ENPP3: variants seen among roughly 807,000 people sequenced by gnomAD.
The protein encoded by ENPP3 is ectonucleotide pyrophosphatase/phosphodiesterase 3, also known as ectonucleotide pyrophosphatase/phosphodiesterase family member 3.
A neutral mutation model predicts 117.8 loss-of-function variants in ENPP3; 104 were observed. The observed-to-expected ratio is 0.88, with a 90% CI of 0.75 to 1.04. The LOEUF is 1.04. ENPP3 is among the 50% of genes least tolerant of loss of function. The pLI, the probability that ENPP3 is intolerant of heterozygous loss-of-function variation, is 0.00. For synonymous variants in ENPP3, 380 were observed against 349.9 expected (o/e 1.09, Z -0.96); for missense variants, 1,026 against 1,051.9 (o/e 0.98, Z 0.34).
rs555826124 is a variant in ENPP3, at chr6:131,678,942, T to C, written c.1011+1002T>C. 4.3e-3 allele frequency among the ~76,000 whole-genome samples: 410 copies of C among 94,348 alleles called. 13 individuals are homozygous for C. Among genetic ancestry groups the C allele is most frequent in the African/African-American group, 0.025 (338 of 13,460 alleles). 61.9% of individuals were successfully genotyped at this position (94,348 alleles called of 152,430 possible). On this transcript the variant is annotated intron_variant, in intron 11 of 24. Transcript: ENST00000357639. ...CTTTCTTTCTTTCTTTCTTTCTTTC[T>C]TTCTTTCTTTCTTTCTTTCCTTCCT...
chr6:131,702,963 ATGT>A (rs1474634292), intron 15 of ENPP3, among the ~76,000 whole-genome samples: 3 of 150,998 alleles, frequency 2.0e-5, no homozygotes, highest in Non-Finnish European at 4.4e-5. Context: ...CATTTATTTC[ATGT>A]TGTCCTGAGA....
intron 20 of ENPP3, among the ~76,000 whole-genome samples, chr6:131,731,245 G>T (rs1042860948): frequency 6.6e-6 from 1 of 152,060 alleles, no homozygotes; most frequent in African/African-American, 2.4e-5. Context: ...GTGGTCCTTG[G>T]CTGTCAGCTT....
chr6:131,697,589 T>C (rs1216926011), intron 15 of ENPP3, among the ~76,000 whole-genome samples: 3 of 151,616 alleles, frequency 2.0e-5, no homozygotes, highest in Non-Finnish European at 2.9e-5. Context: ...TGCAACTAGA[T>C]GGTCCTATCT....
intron 24 of ENPP3, among the ~76,000 whole-genome samples, chr6:131,746,416 T>C (rs1351916431): frequency 1.3e-5 from 2 of 152,258 alleles, no homozygotes; most frequent in East Asian, 3.9e-4. Context: ...GTACTACATA[T>C]TGTATAGTGA....
In ENPP3 at chr6:131,637,463, G is replaced by GT. The variant is rs745932827; in HGVS notation, c.78+2dup. On this transcript the variant is annotated splice_donor_variant, in intron 1 of 24. Transcript: ENST00000357639. LOFTEE classifies it high-confidence loss of function. Reference sequence around the variant, plus strand: ...TAAGAAATATAAAATAGCTTGCATTGTAAGTACAATTCTTATTTTTAGTCT... The same window carrying GT: ...TAAGAAATATAAAATAGCTTGCATTGTTAAGTACAATTCTTATTTTTAGTCT... The GT allele has an allele frequency of 5.3e-6, 8 of 1,506,968 alleles. No homozygotes were observed. In the South Asian group the frequency reaches 8.4e-5, roughly 16 times the overall value. The allele number at this position is 1,506,968 out of a possible 1,614,324, so 93.3% of individuals were successfully genotyped here. A position where few individuals can be genotyped will look rare whatever the true frequency, so the allele number is the denominator to read the frequency against.
chr6:131,640,617 AT>A (rs1036503733), intron 1 of ENPP3, among the ~76,000 whole-genome samples: 2 of 152,128 alleles, frequency 1.3e-5, no homozygotes, highest in African/African-American at 2.4e-5. Flanking sequence ...TGTGAAAGTT[AT>A]TTTTTGTGTC....
intron 6 of ENPP3, among the ~76,000 whole-genome samples, chr6:131,667,759 G>T (rs2876134): frequency 6.6e-6 from 1 of 152,194 alleles, no homozygotes; most frequent in African/African-American, 2.4e-5. Context: ...TAGTTTCTGG[G>T]TTTCTCACAA....
At chr6:131,716,238 C>T (rs1223843804) in intron 15 of ENPP3, among the ~76,000 whole-genome samples, 2 of 152,102 alleles carry the variant, frequency 1.3e-5, no homozygotes. Flanking sequence ...TTTCCAAGTG[C>T]CAGCTATCAT....
At chr6:131,715,857 G>A (rs1049402056) in intron 15 of ENPP3, among the ~76,000 whole-genome samples, 9 of 152,040 alleles carry the variant, frequency 5.9e-5, no homozygotes, top group Non-Finnish European at 1.2e-4. Flanking sequence ...GCCCCACCCA[G>A]TGTTTTCTCG....
At chr6:131,724,847 TG>T (rs577012057) in intron 19 of ENPP3, among the ~76,000 whole-genome samples, 126 of 152,078 alleles carry the variant, frequency 8.3e-4, no homozygotes, top group Admixed American at 1.1e-3. Flanking sequence ...ATTAGAATGT[TG>T]TTTTAGTCCA....
At chr6:131,746,162 G>A (rs1780631549) in intron 24 of ENPP3, among the ~76,000 whole-genome samples, 1 of 151,926 alleles carries the variant, frequency 6.6e-6, no homozygotes, top group Non-Finnish European at 1.5e-5. Context: ...TCATGCTCTT[G>A]AACACAGGAG....
intron 15 of ENPP3, among the ~76,000 whole-genome samples, chr6:131,704,116 TTTCATGAA>T (rs1211991701): frequency 1.7e-5 from 2 of 121,064 alleles, no homozygotes; most frequent in African/African-American, 3.3e-5. Flanking sequence ...TTTGTTAGAG[TTTCATGAA>T]TATTTATGCT....
At chr6:131,695,324 C>T (rs552820867) in intron 15 of ENPP3, among the ~76,000 whole-genome samples, 42 of 152,232 alleles carry the variant, frequency 2.8e-4, no homozygotes, top group African/African-American at 7.5e-4. Context: ...GAGAGCTCGC[C>T]CACCCAAATA....
chr6:131,688,249 CT>C (rs1164671038), intron 14 of ENPP3, among the ~76,000 whole-genome samples: 1 of 152,180 alleles, frequency 6.6e-6, no homozygotes, highest in African/African-American at 2.4e-5. Context: ...CACAAACTGG[CT>C]GTTTCCCGTC....
intron 6 of ENPP3, among the ~76,000 whole-genome samples, chr6:131,661,461 A>T (rs1195331413): frequency 6.6e-6 from 1 of 151,160 alleles, no homozygotes; most frequent in Non-Finnish European, 1.5e-5. Context: ...ATTTTTAATT[A>T]TTGTTATTAT....
At chr6:131,658,262 A>G (rs1778426618) in intron 5 of ENPP3, 61 bp from the exon 6 acceptor site, 1 of 894,292 alleles carries the variant, frequency 1.1e-6, no homozygotes, top group Admixed American at 1.8e-5. Flanking sequence ...AAGGATTGCA[A>G]TGCTTTTGAG....
chr6:131,667,062 G>C (rs944266088), intron 6 of ENPP3, among the ~76,000 whole-genome samples: 1 of 152,138 alleles, frequency 6.6e-6, no homozygotes, highest in African/African-American at 2.4e-5. Flanking sequence ...ATCATTAGAT[G>C]TCTTGTCCAA....
In ENPP3 at chr6:131,722,382, T is replaced by C; in HGVS notation, c.1723T>C (p.Cys575Arg). 1 of 1,613,958 alleles carries C rather than the reference T, an allele frequency of 6.2e-7. No individual in the cohort carries two copies. The highest frequency in any genetic ancestry group is 8.5e-7 in the Non-Finnish European group (1 of 1,179,940). Residue 575 changes from cysteine (C) to arginine (R), a missense_variant, in exon 18 of 25, where the codon TGT (cysteine) becomes CGT (arginine). Transcript: ENST00000357639. ...ANPLPTESLD[C>R]FCPHLQNSTQ... ...TCCATTGCCCACAGAGTCTCTTGAC[T>C]GTTTCTGCCCTCACCTACAAAATGT...
At chr6:131,691,398 G>A (rs1295874113) in intron 14 of ENPP3, among the ~76,000 whole-genome samples, 2 of 152,024 alleles carry the variant, frequency 1.3e-5, no homozygotes, top group African/African-American at 4.8e-5. Flanking sequence ...AGACTAGCCT[G>A]ACCAACATGG....
Sources: allele counts gnomAD v4.1 joint callset (sites outside exome capture counted in the v4.1 genomes callset), GRCh38; gene constraint gnomAD v4.1.1; transcripts MANE v1.5; gene names NCBI Gene and HGNC (gene_info 2026-07-23, HGNC 2026-07-21).